PEX14: variants seen among roughly 807,000 people sequenced by gnomAD.
PEX14 encodes the protein peroxisomal membrane protein PEX14.
Under a neutral mutation model 49.5 loss-of-function variants are expected in PEX14, and 15 were observed. The ratio of observed to expected loss-of-function variants is 0.30; its 90% confidence interval spans 0.20 to 0.47. PEX14 has a LOEUF of 0.47. Ranked by LOEUF, PEX14 falls within the 20% of genes least tolerant of loss-of-function variation. The pLI, the probability that PEX14 is intolerant of heterozygous loss-of-function variation, is 1.00. For missense variants in PEX14, 398 were observed against 494.8 expected, an observed-to-expected ratio of 0.80 and a Z score of 1.86; for synonymous variants, 210 against 212.7, an observed-to-expected ratio of 0.99 and a Z score of 0.11.
intron 2 of PEX14, among the ~76,000 whole-genome samples, chr1:10,509,560 C>T (rs967594643): frequency 1.3e-5 from 2 of 152,112 alleles, no homozygotes; most frequent in Non-Finnish European, 2.9e-5. Flanking sequence ...GGTTCTCTCC[C>T]CTTCCTCTCT....
At chr1:10,543,139 T>G (rs200114695) in intron 3 of PEX14, among the ~76,000 whole-genome samples, 1 of 152,240 alleles carries the variant, frequency 6.6e-6, no homozygotes, top group East Asian at 1.9e-4. Context: ...ATTCTTGCTT[T>G]CTTTTTTTGT....
intron 3 of PEX14, among the ~76,000 whole-genome samples, chr1:10,577,562 ATTTTTTTTTTTTTTTTTTTTT>A (rs1164876121): frequency 2.4e-3 from 15 of 6,136 alleles, no homozygotes; most frequent in Admixed American, 0.02. Flanking sequence ...ATATATATAT[ATTTTTTTTTTTTTTTTTTTTT>A]TTTTTTTTTT....
At chr1:10,492,965 A>G (rs890213500) in intron 1 of PEX14, among the ~76,000 whole-genome samples, 2 of 152,194 alleles carry the variant, frequency 1.3e-5, no homozygotes, top group Non-Finnish European at 2.9e-5. Context: ...TGACCTAGTC[A>G]TGGATGTCAG....
intron 3 of PEX14, among the ~76,000 whole-genome samples, chr1:10,565,992 T>A (rs1639793287): frequency 6.6e-6 from 1 of 152,264 alleles, no homozygotes; most frequent in Non-Finnish European, 1.5e-5. Context: ...TTTACTTACA[T>A]CTCTCTAGTC....
intron 1 of PEX14, among the ~76,000 whole-genome samples, chr1:10,493,235 A>T (rs1641501982): frequency 6.6e-6 from 1 of 152,018 alleles, no homozygotes; most frequent in African/African-American, 2.4e-5. Flanking sequence ...TACTGGGGTG[A>T]GTGGGTGGAC....
intron 4 of PEX14, among the ~76,000 whole-genome samples, chr1:10,616,069 G>A (rs558141254): frequency 1.3e-5 from 2 of 152,314 alleles, no homozygotes; most frequent in South Asian, 2.1e-4. Context: ...AGGACACACC[G>A]GGGAGTCTCG....
At chr1:10,552,996 A>G (rs1194698546) in intron 3 of PEX14, among the ~76,000 whole-genome samples, 1 of 152,234 alleles carries the variant, frequency 6.6e-6, no homozygotes, top group Non-Finnish European at 1.5e-5. Context: ...AGGTGGGATC[A>G]GGGAAGACCT....
chr1:10,535,062 A>C (rs1446158103), intron 2 of PEX14, among the ~76,000 whole-genome samples: 2 of 152,216 alleles, frequency 1.3e-5, no homozygotes, highest in Non-Finnish European at 2.9e-5. Context: ...TAGCCTTAGA[A>C]ATTTTTTCTT....
chr1:10,622,964 T>A, intron 5 of PEX14, 55 bp from the exon 6 acceptor site: 1 of 1,240,232 alleles, frequency 8.1e-7, no homozygotes, highest in Non-Finnish European at 1.2e-6. Flanking sequence ...TGAGAGATTG[T>A]TGGAGGATAA....
chr1:10,560,137 A>G (rs1639612508), intron 3 of PEX14, among the ~76,000 whole-genome samples: 2 of 151,618 alleles, frequency 1.3e-5, no homozygotes, highest in Non-Finnish European at 1.5e-5. Flanking sequence ...GGCTCACTGC[A>G]ATCTCTGCCT....
At chr1:10,610,997 C>T (rs543482757) in intron 4 of PEX14, among the ~76,000 whole-genome samples, 4 of 152,152 alleles carry the variant, frequency 2.6e-5, no homozygotes, top group Non-Finnish European at 5.9e-5. Flanking sequence ...CCTGTAATCC[C>T]AGCACTTTGG....
Position 10,495,156 on chromosome 1 carries a change from G to GT in PEX14, c.37-117dup. On this transcript the variant is annotated intron_variant, in intron 1 of 8. Coordinates refer to ENST00000356607, the MANE Select transcript of PEX14 (RefSeq NM_004565.3). This position sits in a 1 kb window ranked among gnomAD's most constrained non-coding sequence, Gnocchi z 4.2. ...AATACTCTTGTGTCGTGAAAAACCA[G>GT]TGAGAGATGTGAGAAAGAGGTGCCA... is the stretch of plus-strand genomic sequence containing the variant. The GT allele has an allele frequency of 6.4e-7, 1 of 1,569,062 alleles. No homozygotes were observed.
rs543018213 is a variant in PEX14 at position 10,630,353 on chromosome 1, C to T, written c.*366C>T. On this transcript the variant is annotated 3_prime_UTR_variant, in exon 9 of 9. Coordinates refer to ENST00000356607, the MANE Select transcript of PEX14 (RefSeq NM_004565.3). This position sits in a 1 kb window ranked among gnomAD's most constrained non-coding sequence, Gnocchi z 4.1. ...GAGTGTCTTGACTACCGTGACACCA[C>T]GCATGGCCAGAGCTAGCGTCCCTAC... is the stretch of plus-strand genomic sequence containing the variant. 7.1e-5 allele frequency: 23 copies of T among 324,958 alleles called. No individual in the cohort carries two copies. Among genetic ancestry groups the T allele is most frequent in the East Asian group, 1.2e-4 (2 of 16,364 alleles). The allele number at this position is 324,958 out of a possible 1,614,324, so 20.1% of individuals were successfully genotyped here.
intron 5 of PEX14, among the ~76,000 whole-genome samples, chr1:10,619,228 A>G (rs548330813): frequency 1.3e-5 from 2 of 152,132 alleles, no homozygotes; most frequent in South Asian, 4.2e-4. Flanking sequence ...AATGCAGGCC[A>G]GGGTAGGTGC....
chr1:10,545,673 C>T (rs941210905), intron 3 of PEX14, among the ~76,000 whole-genome samples: 1 of 152,224 alleles, frequency 6.6e-6, no homozygotes, highest in Non-Finnish European at 1.5e-5. Flanking sequence ...AAATACTTAA[C>T]TTCGTGGTAC....
Position 10,538,689 on chromosome 1 carries a change from C to T in PEX14, c.169+2392C>T, listed in dbSNP as rs1319555228. Among the ~76,000 whole-genome samples the T allele has an allele frequency of 3.3e-5, 5 of 152,342 alleles. 1 individual carries two copies. The South Asian group carries it at 6.2e-4, about 19-fold the overall frequency. Reference sequence around the variant, plus strand: ...TTCCGTGCTCAGCACGGCCTGGCACCGTCTCCGATGGGGATGAGGGTGAAC... The same window carrying T: ...TTCCGTGCTCAGCACGGCCTGGCACTGTCTCCGATGGGGATGAGGGTGAAC... On this transcript the variant is annotated intron_variant, in intron 3 of 8. Coordinates refer to ENST00000356607, the MANE Select transcript of PEX14 (RefSeq NM_004565.3).
intron 3 of PEX14, among the ~76,000 whole-genome samples, chr1:10,538,540 G>A (rs1638907227): frequency 6.6e-6 from 1 of 152,252 alleles, no homozygotes; most frequent in African/African-American, 2.4e-5. Context: ...TCCCAATGGA[G>A]TAGGTTCTGG....
At chr1:10,547,885 G>A (rs185734525) in intron 3 of PEX14, among the ~76,000 whole-genome samples, 80 of 152,216 alleles carry the variant, frequency 5.3e-4, no homozygotes, top group African/African-American at 1.8e-3. Flanking sequence ...AAATATTGAT[G>A]TATTCTGTAT....
At chr1:10,478,573 G>A (rs1428922433) in intron 1 of PEX14, among the ~76,000 whole-genome samples, 1 of 152,006 alleles carries the variant, frequency 6.6e-6, no homozygotes, top group Admixed American at 6.6e-5. Context: ...TCCCCACATT[G>A]CTCTGTTTTA....
Sources: gnomAD v4.1 joint callset for allele counts (sites outside exome capture counted in the v4.1 genomes callset) on GRCh38, gnomAD v4.1.1 for gene constraint, Gnocchi (gnomAD v3.1) non-coding constraint, MANE v1.5 for transcripts, NCBI Gene and HGNC (gene_info 2026-07-23, HGNC 2026-07-21) for gene names.